Variants in ZNF565 observed in about 807,000 individuals in gnomAD.
ZNF565 encodes zinc finger protein 565.
Under a neutral mutation model 39.4 loss-of-function variants are expected in ZNF565, and 27 were observed. The ratio of observed to expected loss-of-function variants is 0.69; its 90% confidence interval spans 0.51 to 0.95. The LOEUF is 0.95. Ranked by LOEUF, ZNF565 falls within the 40% of genes least tolerant of loss-of-function variation. The pLI is 0.00. For synonymous variants in ZNF565, 185 were observed against 216.6 expected, an observed-to-expected ratio of 0.85 and a Z score of 1.28; for missense variants, 524 against 621.1, an observed-to-expected ratio of 0.84 and a Z score of 1.66.
intron 1 of ZNF565, among the ~76,000 whole-genome samples, chr19:36,206,509 A>G (rs1191377168): frequency 6.6e-6 from 1 of 152,130 alleles, no homozygotes; most frequent in African/African-American, 2.4e-5. Flanking sequence ...TGGTATGGCC[A>G]TAGACATGAT....
chr19:36,218,999 G>A (rs930710425), upstream of ZNF565, among the ~76,000 whole-genome samples: 6 of 150,934 alleles, frequency 4.0e-5, no homozygotes, highest in East Asian at 2.0e-4. Flanking sequence ...TAGTAGAGAC[G>A]GGATTTCACC....
At chr19:36,221,456 T>A (rs941253852) in intron 1 of ZNF565, among the ~76,000 whole-genome samples, 34 of 151,874 alleles carry the variant, frequency 2.2e-4, no homozygotes, top group African/African-American at 7.7e-4. Flanking sequence ...GCCCGGCTAA[T>A]TTTTTGTATT....
intron 2 of ZNF565, among the ~76,000 whole-genome samples, chr19:36,200,918 G>A (rs1599932494): frequency 6.6e-6 from 1 of 152,102 alleles, no homozygotes; most frequent in East Asian, 1.9e-4. Flanking sequence ...TCAAGTAGCT[G>A]CGATTATAGG....
At chr19:36,208,817 C>T (rs1027735762) in intron 1 of ZNF565, among the ~76,000 whole-genome samples, 2 of 152,028 alleles carry the variant, frequency 1.3e-5, no homozygotes, top group African/African-American at 4.8e-5. Flanking sequence ...CTAACAAAAG[C>T]CTTTTTCCCA....
intron 1 of ZNF565, among the ~76,000 whole-genome samples, chr19:36,211,610 G>A (rs1187964656): frequency 6.6e-6 from 1 of 151,568 alleles, no homozygotes; most frequent in Non-Finnish European, 1.5e-5. Context: ...TGGCTAACAC[G>A]GTGAAACCCC....
intron 1 of ZNF565, among the ~76,000 whole-genome samples, chr19:36,232,137 A>C (rs1465962747): frequency 1.4e-5 from 2 of 147,050 alleles, no homozygotes; most frequent in Non-Finnish European, 3.0e-5. Context: ...TGGGAGGCGG[A>C]GGTTGCAGTG....
chr19:36,192,140 CA>C (rs1975577632), intron 4 of ZNF565, among the ~76,000 whole-genome samples: 1 of 151,876 alleles, frequency 6.6e-6, no homozygotes. Flanking sequence ...AGGCACCCGC[CA>C]CCACGCCCAG....
chr19:36,241,465 CAA>C (rs771395410), intron 1 of ZNF565, among the ~76,000 whole-genome samples: 21 of 116,652 alleles, frequency 1.8e-4, no homozygotes, highest in Non-Finnish European at 3.2e-4. Context: ...GCCTGGGTGA[CAA>C]GAGCAAGACT....
intron 1 of ZNF565, among the ~76,000 whole-genome samples, chr19:36,240,825 G>C (rs962217082): frequency 6.6e-6 from 1 of 151,474 alleles, no homozygotes. Flanking sequence ...AGCCAGGATC[G>C]TGCTACTGCA....
chr19:36,215,854 T>A (rs1350809736), upstream of ZNF565, among the ~76,000 whole-genome samples: 1 of 152,154 alleles, frequency 6.6e-6, no homozygotes, highest in Non-Finnish European at 1.5e-5. Flanking sequence ...CGGTTTTAGG[T>A]TAGGCACAGT....
chr19:36,239,698 C>T (rs1044665131), intron 1 of ZNF565, among the ~76,000 whole-genome samples: 3 of 152,164 alleles, frequency 2.0e-5, no homozygotes, highest in South Asian at 2.1e-4. Context: ...CCAACACCTG[C>T]GTGTCTGTCT....
chr19:36,190,516 C>A (rs12979040), intron 4 of ZNF565, among the ~76,000 whole-genome samples: 1 of 149,066 alleles, frequency 6.7e-6, no homozygotes, highest in East Asian at 2.0e-4. Flanking sequence ...GCGGAAGTTG[C>A]GATGAGCGGA....
At chr19:36,199,479 C>T (rs1253459012) in intron 2 of ZNF565, among the ~76,000 whole-genome samples, 1 of 151,496 alleles carries the variant, frequency 6.6e-6, no homozygotes, top group Non-Finnish European at 1.5e-5. Flanking sequence ...AAACATAACA[C>T]CCTTTTAAAT....
intron 1 of ZNF565, among the ~76,000 whole-genome samples, chr19:36,206,742 G>C (rs1166756593): frequency 1.3e-5 from 2 of 152,078 alleles, no homozygotes; most frequent in Admixed American, 6.6e-5. Context: ...TGAGGTGAGA[G>C]AATCACTTGA....
intron 1 of ZNF565, chr19:36,238,722 T>A (rs1977738964): frequency 6.0e-6 from 1 of 167,108 alleles, no homozygotes; most frequent in Non-Finnish European, 1.5e-5. Flanking sequence ...GCTCTCTATG[T>A]AATATGAAAT....
upstream of ZNF565, chr19:36,214,958 C>T (rs911933062): frequency 8.5e-5 from 13 of 152,716 alleles, no homozygotes; most frequent in Admixed American, 5.2e-4. Context: ...AGAGAGTCGA[C>T]CAGTAAAGCC....
intron 2 of ZNF565, among the ~76,000 whole-genome samples, chr19:36,199,506 C>CTTTTTTTTTTTT (rs1183093969): frequency 1.3e-4 from 17 of 128,916 alleles, no homozygotes; most frequent in Non-Finnish European, 2.1e-4. Context: ...CTTTCTTTCT[C>CTTTTTTTTTTTT]TTTTTTTTTT....
At chr19:36,188,581 G>A (rs1384233566) in intron 4 of ZNF565, among the ~76,000 whole-genome samples, 5 of 150,936 alleles carry the variant, frequency 3.3e-5, no homozygotes, top group South Asian at 2.1e-4. Context: ...GCATGGTGGC[G>A]GGTGCCTGTA....
intron 1 of ZNF565, chr19:36,236,593 A>G (rs918894274): frequency 6.2e-7 from 1 of 1,614,094 alleles, no homozygotes; most frequent in Non-Finnish European, 8.5e-7. Context: ...AGTGTGGAAA[A>G]GCCTTTAGCC....
Sources: allele counts gnomAD v4.1 joint callset (sites outside exome capture counted in the v4.1 genomes callset), GRCh38; gene constraint gnomAD v4.1.1; transcripts MANE v1.5; gene names NCBI Gene and HGNC (gene_info 2026-07-23, HGNC 2026-07-21).